Variants in PARD3B observed in about 807,000 individuals in gnomAD.
PARD3B encodes partitioning defective 3 homolog B.
In PARD3B, 103 loss-of-function variants were observed where a neutral mutation model predicts 130.2. The ratio of observed to expected loss-of-function variants is 0.79; its 90% CI spans 0.67 to 0.93. The LOEUF (loss-of-function observed/expected upper bound fraction) is 0.93. PARD3B is among the 40% of genes least tolerant of loss of function. The probability of loss-of-function intolerance (pLI) is 0.00; values close to 1 mark genes in which losing one functional copy is unlikely to be tolerated. For synonymous variants in PARD3B, 583 were observed against 553.2 expected (o/e 1.05, Z -0.76); for missense variants, 1,609 against 1,499.2 (o/e 1.07, Z -1.21).
Position 205,183,429 on chromosome 2 carries a change from TTTACA to T in PARD3B, c.1925-2329_1925-2325del, listed in dbSNP as rs1393266982. Among the ~76,000 whole-genome samples the T allele has an allele frequency of 6.6e-6, 1 of 152,174 alleles. No individual in the cohort carries two copies. The highest frequency in any genetic ancestry group is 6.5e-5 in the Admixed American group (1 of 15,278). On this transcript the variant is annotated intron_variant, in intron 13 of 22. Coordinates refer to ENST00000406610, the MANE Select transcript of PARD3B (RefSeq NM_001302769.2). The surrounding 1 kb of genome is among the most constrained non-coding windows in gnomAD (Gnocchi z 5.2). The stretch of plus-strand genomic sequence containing the variant: ...GTCCCAGGATGTCCATTGTCCCCAA[TTTACA>T]TTACAGTCCTTCTGTTCTGTTTCTC...
At chr2:205,007,863 T>C (rs1013144460) in intron 3 of PARD3B, among the ~76,000 whole-genome samples, 5 of 152,288 alleles carry the variant, frequency 3.3e-5, no homozygotes, top group African/African-American at 9.6e-5. Flanking sequence ...ATCTATGATT[T>C]TTTTTAGAAG....
At chr2:205,144,212 G>A (rs193122071) in intron 10 of PARD3B, among the ~76,000 whole-genome samples, 184 of 152,260 alleles carry the variant, frequency 1.2e-3, no homozygotes, top group Non-Finnish European at 1.5e-3. Flanking sequence ...TATACTTCAG[G>A]CATGTGGTGG....
chr2:205,043,063 A>G (rs1022041603), intron 3 of PARD3B, among the ~76,000 whole-genome samples: 4 of 152,118 alleles, frequency 2.6e-5, no homozygotes, highest in African/African-American at 7.2e-5. Flanking sequence ...TTTCTTAATT[A>G]GCTGAAAAAA....
At chr2:205,600,207 T>C (rs2054730417) in intron 22 of PARD3B, among the ~76,000 whole-genome samples, 1 of 152,196 alleles carries the variant, frequency 6.6e-6, no homozygotes, top group African/African-American at 2.4e-5. Flanking sequence ...TAAGAGAATA[T>C]TTGCTAGAAC....
chr2:205,275,252 C>T (rs2040893078), intron 16 of PARD3B, among the ~76,000 whole-genome samples: 1 of 151,084 alleles, frequency 6.6e-6, no homozygotes, highest in Non-Finnish European at 1.5e-5. Context: ...CTTGTATTTA[C>T]CATGCACTGA....
chr2:205,524,108 T>C (rs1163440583), intron 21 of PARD3B, among the ~76,000 whole-genome samples: 4 of 152,166 alleles, frequency 2.6e-5, no homozygotes, highest in Admixed American at 6.6e-5. Context: ...TTGTTTTCTC[T>C]ATCTGGATCT....
At chr2:205,576,749 T>C (rs1383640103) in intron 22 of PARD3B, among the ~76,000 whole-genome samples, 2 of 152,334 alleles carry the variant, frequency 1.3e-5, no homozygotes, top group East Asian at 3.9e-4. Context: ...AGTTTATTCT[T>C]CTCCTTCAAT....
At chr2:204,693,613 T>C (rs2125258866) in intron 2 of PARD3B, among the ~76,000 whole-genome samples, 1 of 152,170 alleles carries the variant, frequency 6.6e-6, no homozygotes, top group Middle Eastern at 3.4e-3. Context: ...TTAAAAAGTA[T>C]TGCTTAAATC....
intron 22 of PARD3B, among the ~76,000 whole-genome samples, chr2:205,586,454 G>A (rs1004791443): frequency 2.6e-5 from 4 of 152,074 alleles, no homozygotes; most frequent in African/African-American, 9.7e-5. Context: ...GGTTCTGTTG[G>A]GAAGAGATTA....
rs79619660 is a variant in PARD3B, at chr2:204,866,798, A to T, written c.223-98354A>T. ...GCGTAATCGTTTGAAATAATGTATT[A>T]TAAAATATTGTCATAATCTCAGCAC... is the stretch of plus-strand genomic sequence containing the variant. On this transcript the variant is annotated intron_variant, in intron 2 of 22. Coordinates refer to ENST00000406610, the MANE Select transcript of PARD3B (RefSeq NM_001302769.2). Among the ~76,000 whole-genome samples the T allele has an allele frequency of 8.2e-3, 1,245 of 152,150 alleles. 10 individuals are homozygous for T. Among genetic ancestry groups the T allele is most frequent in the African/African-American group, 0.028 (1,148 of 41,500 alleles).
At chr2:205,561,177 A>G (rs181659322) in intron 22 of PARD3B, among the ~76,000 whole-genome samples, 73 of 152,212 alleles carry the variant, frequency 4.8e-4, no homozygotes, top group African/African-American at 1.7e-3. Context: ...TCTCCCTCTC[A>G]GATTTCTCTT....
chr2:205,182,729 T>C (rs2035864533), intron 13 of PARD3B, among the ~76,000 whole-genome samples: 2 of 152,172 alleles, frequency 1.3e-5, no homozygotes, highest in East Asian at 3.8e-4. Context: ...ACAGTGAAAG[T>C]CTATTTCCTG....
chr2:204,926,645 A>G (rs1687644853), intron 2 of PARD3B, among the ~76,000 whole-genome samples: 1 of 152,094 alleles, frequency 6.6e-6, no homozygotes. Context: ...CTCGGAAGCA[A>G]ACTAGGTCTT....
chr2:204,998,261 A>T (rs1382264137), intron 3 of PARD3B, among the ~76,000 whole-genome samples: 1 of 144,874 alleles, frequency 6.9e-6, no homozygotes, highest in African/African-American at 2.5e-5. Context: ...TGGCATGTGT[A>T]TACCTATGTA....
chr2:204,877,631 A>G (rs2045894629), intron 2 of PARD3B, among the ~76,000 whole-genome samples: 1 of 152,200 alleles, frequency 6.6e-6, no homozygotes, highest in African/African-American at 2.4e-5. Flanking sequence ...GAATTTCACC[A>G]AAGATGCCAG....
intron 4 of PARD3B, among the ~76,000 whole-genome samples, chr2:205,088,444 T>C (rs1038776520): frequency 1.3e-5 from 2 of 152,172 alleles, no homozygotes; most frequent in African/African-American, 4.8e-5. Flanking sequence ...TGTGATAAGC[T>C]GGGCTTGGGG....
chr2:204,737,923 C>G (rs184347515), intron 2 of PARD3B, among the ~76,000 whole-genome samples: 3 of 152,108 alleles, frequency 2.0e-5, no homozygotes, highest in Non-Finnish European at 4.4e-5. Context: ...TTCCATAGAT[C>G]TATGTGCCTA....
chr2:204,991,854 T>A (rs982547661), intron 3 of PARD3B, among the ~76,000 whole-genome samples: 15 of 151,512 alleles, frequency 9.9e-5, no homozygotes, highest in Non-Finnish European at 1.9e-4. Flanking sequence ...TTCATGCGTT[T>A]TTTGGCTGCA....
At chr2:205,184,128 T>C (rs1357193231) in intron 13 of PARD3B, among the ~76,000 whole-genome samples, 1 of 152,184 alleles carries the variant, frequency 6.6e-6, no homozygotes, top group Non-Finnish European at 1.5e-5. Flanking sequence ...GGGGACAGTC[T>C]ACTTATTTAA....
Sources: gnomAD v4.1 joint callset for allele counts (sites outside exome capture counted in the v4.1 genomes callset) on GRCh38, gnomAD v4.1.1 for gene constraint, Gnocchi (gnomAD v3.1) non-coding constraint, MANE v1.5 for transcripts, NCBI Gene and HGNC (gene_info 2026-07-23, HGNC 2026-07-21) for gene names.